Variants in CELSR3 observed in about 807,000 individuals in gnomAD.
CELSR3 encodes the protein EGF-like protein 1.
Under a neutral mutation model 270.0 loss-of-function variants are expected in CELSR3, and 73 were observed. The observed-to-expected ratio is 0.27, with a 90% confidence interval of 0.22 to 0.33. CELSR3 has a LOEUF of 0.33. Ranked by LOEUF, CELSR3 falls within the 10% of genes least tolerant of loss-of-function variation. CELSR3 has a pLI of 1.00. For missense variants in CELSR3, 3,614 were observed against 4,533.8 expected (o/e 0.80, Z 5.83); for synonymous variants, 1,780 against 1,905.4 (o/e 0.93, Z 1.71).
intron 20 of CELSR3, 49 bp downstream of exon 20, chr3:48,647,792 G>C: frequency 6.3e-7 from 1 of 1,581,766 alleles, no homozygotes; most frequent in Non-Finnish European, 8.6e-7. Context: ...ATCTGGTTGG[G>C]GGGACAGAGA....
At position 48,645,612 on chromosome 3, in the gene CELSR3, G is replaced by T; in HGVS notation, c.7628C>A (p.Thr2543Asn). 1 of 1,611,278 alleles carries T rather than the reference G, an allele frequency of 6.2e-7. No individual in the cohort carries two copies. Among genetic ancestry groups the T allele is most frequent in the Non-Finnish European group, 8.5e-7 (1 of 1,178,712 alleles). Residue 2543 changes from threonine to asparagine, a missense_variant, in exon 24 of 35, where the codon ACC becomes AAC. Physicochemically the swap from Thr to Asn is moderately conservative, Grantham distance 65 (BLOSUM62 0). Transcript: ENST00000164024. This position sits in a 1 kb window ranked among gnomAD's most constrained non-coding sequence, Gnocchi z 5.4. ...EGDLELLAVF[T>N]HVVVAVSVAA... ...CACAGACACAGCCACGACCACGTGGGTGAACACAGCCAGCAGCTCCAGGTC... is the reference window on the plus strand; with the variant it reads ...CACAGACACAGCCACGACCACGTGGTTGAACACAGCCAGCAGCTCCAGGTC...
intron 3 of CELSR3, 75 bp downstream of exon 3, chr3:48,656,065 G>A (rs2047177957): frequency 7.0e-7 from 1 of 1,428,660 alleles, no homozygotes; most frequent in Non-Finnish European, 9.5e-7. Context: ...GCCAGGACGG[G>A]GCAGTCAGGA....
At position 48,645,825 on chromosome 3, in the gene CELSR3, C is replaced by G; in HGVS notation, c.7507G>C (p.Val2503Leu). ...GVWTARDCEL[V>L]HRNGSHARCR... ...CGTGCGTGGGACCCATTCCTGTGCA[C>G]CAGCTCGCAGTCCCGTGCTGTCCAC... is the stretch of plus-strand genomic sequence containing the variant. Residue 2503 changes from valine to leucine, a missense_variant, in exon 23 of 35, where the codon GTG (valine) becomes CTG (leucine). Coordinates refer to ENST00000164024, the MANE Select transcript of CELSR3 (RefSeq NM_001407.3). The surrounding 1 kb of genome is among the most constrained non-coding windows in gnomAD (Gnocchi z 5.4). 1 of 1,610,990 alleles carries G rather than the reference C, an allele frequency of 6.2e-7. No homozygotes were observed. The highest frequency in any genetic ancestry group is 8.5e-7 in the Non-Finnish European group (1 of 1,179,236).
rs1193503924 is a variant in CELSR3, at chr3:48,662,424, G to T, written c.211C>A (p.Arg71=). 6.2e-7 allele frequency: 1 copy of T among 1,612,734 alleles called. No individual in the cohort carries two copies. The highest frequency in any genetic ancestry group is 8.5e-7 in the Non-Finnish European group (1 of 1,179,904). The change falls in exon 1 of 35, where the codon CGG becomes AGG. Residue 71 remains arginine (R), a synonymous_variant. Coordinates refer to ENST00000164024, the MANE Select transcript of CELSR3 (RefSeq NM_001407.3). The surrounding 1 kb of genome is among the most constrained non-coding windows in gnomAD (Gnocchi z 7.1). Reference sequence around the variant, plus strand: ...CCCAGGCCAGGCCCCCCATCCTCCCGGACCCCGGAAGACTCCGGACAAAGA... The same window carrying T: ...CCCAGGCCAGGCCCCCCATCCTCCCTGACCCCGGAAGACTCCGGACAAAGA... ...LALCPESSGV[R]EDGGPGLGVR...
Position 48,654,074 on chromosome 3 carries a change from G to A in CELSR3, c.5153-71C>T. On this transcript the variant is annotated intron_variant, in intron 7 of 34. Transcript: ENST00000164024. The surrounding 1 kb of genome is among the most constrained non-coding windows in gnomAD (Gnocchi z 5.4). ...GGCACAAGTGCTGGACAGGACTTTAGTGTCCAGAGGGGCTGAAAGAGACCA... is the reference window on the plus strand; with the variant it reads ...GGCACAAGTGCTGGACAGGACTTTAATGTCCAGAGGGGCTGAAAGAGACCA... 6.3e-7 allele frequency: 1 copy of A among 1,577,160 alleles called. No individual in the cohort carries two copies. Among genetic ancestry groups the A allele is most frequent in the Non-Finnish European group, 8.6e-7 (1 of 1,156,096 alleles).
Position 48,642,554 on chromosome 3 carries a change from T to G in CELSR3, c.8556-87A>C. The G allele has an allele frequency of 2.0e-6, 3 of 1,465,666 alleles. No individual in the cohort carries two copies. Among genetic ancestry groups the G allele is most frequent in the Non-Finnish European group, 2.8e-6 (3 of 1,078,122 alleles). The allele number at this position is 1,465,666 out of a possible 1,614,324, so 90.8% of individuals were successfully genotyped here. On this transcript the variant is annotated intron_variant, in intron 30 of 34. Coordinates refer to ENST00000164024, the MANE Select transcript of CELSR3 (RefSeq NM_001407.3). This position sits in a 1 kb window ranked among gnomAD's most constrained non-coding sequence, Gnocchi z 6.1. ...GAGTGTCTTTGAGTGCACAGCCAGC[T>G]GCGGGTGGAATGGCATCCCTGGGTG... is the stretch of plus-strand genomic sequence containing the variant.
chr3:48,642,816 G>C lies in CELSR3; in HGVS notation c.8475C>G (p.Ala2825=), dbSNP rs2047041239. 6.2e-7 allele frequency: 1 copy of C among 1,613,192 alleles called. No homozygotes were observed. The highest frequency in any genetic ancestry group is 1.3e-5 in the African/African-American group (1 of 75,066). The change falls in exon 30 of 35, where the codon GCC becomes GCG. Residue 2825 remains alanine (A), a synonymous_variant. Coordinates refer to ENST00000164024, the MANE Select transcript of CELSR3 (RefSeq NM_001407.3). This position sits in a 1 kb window ranked among gnomAD's most constrained non-coding sequence, Gnocchi z 6.1. ...CACTGCTCACAGAGGAGACGGTGGAGGCGCCCAGAGTGATGCGGATGAGGC... is the reference window on the plus strand; with the variant it reads ...CACTGCTCACAGAGGAGACGGTGGACGCGCCCAGAGTGATGCGGATGAGGC... ...ESGLIRITLG[A]STVSSVSSAR...
At position 48,645,160 on chromosome 3, in the gene CELSR3, G is replaced by C. The variant is rs768715156; in HGVS notation, c.7847C>G (p.Thr2616Ser). The change falls in exon 25 of 35, where the codon ACC becomes AGC. Residue 2616 changes from threonine (T) to serine (S), a missense_variant. Transcript: ENST00000164024. The surrounding 1 kb of genome is among the most constrained non-coding windows in gnomAD (Gnocchi z 5.4). The part of the protein sequence containing the change: ...AILLHYFFLS[T>S]FAWLFVQGLH... The stretch of plus-strand genomic sequence containing the variant: ...CCCCTGCACGAAGAGCCACGCGAAG[G>C]TGCTGAGGAAGAAGTAGTGCAGGAG... The C allele has an allele frequency of 6.3e-7, 1 of 1,595,590 alleles. No individual in the cohort carries two copies. The highest frequency in any genetic ancestry group is 1.7e-4 in the Middle Eastern group (1 of 6,014).
rs1194782459 is a variant in CELSR3 at position 48,650,327 on chromosome 3, G to C, written c.6472+153C>G. 1 of 717,130 alleles carries C rather than the reference G, an allele frequency of 1.4e-6. No homozygotes were observed. Among genetic ancestry groups the C allele is most frequent in the Non-Finnish European group, 2.5e-6 (1 of 395,624 alleles). The allele number at this position is 717,130 out of a possible 1,614,324, so 44.4% of individuals were successfully genotyped here. On this transcript the variant is annotated intron_variant, in intron 16 of 34. Transcript: ENST00000164024. This position sits in a 1 kb window ranked among gnomAD's most constrained non-coding sequence, Gnocchi z 5.1. Reference sequence around the variant, plus strand: ...CAAGAGAAACAGATGGAGGCTCAATGAGGGTGTAGGGAGGGGCCCACATGG... The same window carrying C: ...CAAGAGAAACAGATGGAGGCTCAATCAGGGTGTAGGGAGGGGCCCACATGG...
Position 48,644,004 on chromosome 3 carries a change from G to A in CELSR3, c.8165+212C>T. Reference sequence around the variant, plus strand: ...TGGGAGACTCTGGGGGGACCCAGAGGACAAGGAGAGACAGCAGGGCAGAAG... The same window carrying A: ...TGGGAGACTCTGGGGGGACCCAGAGAACAAGGAGAGACAGCAGGGCAGAAG... On this transcript the variant is annotated intron_variant, in intron 27 of 34. Transcript: ENST00000164024. This position sits in a 1 kb window ranked among gnomAD's most constrained non-coding sequence, Gnocchi z 4.8. 3 of 593,170 alleles carry A rather than the reference G, an allele frequency of 5.1e-6. No individual in the cohort carries two copies. Among genetic ancestry groups the A allele is most frequent in the Non-Finnish European group, 9.0e-6 (3 of 333,680 alleles). The allele number at this position is 593,170 out of a possible 1,614,324, so 36.7% of individuals were successfully genotyped here.
Position 48,654,072 on chromosome 3 carries a change from T to G in CELSR3, c.5153-69A>C. On this transcript the variant is annotated intron_variant, in intron 7 of 34. Coordinates refer to ENST00000164024, the MANE Select transcript of CELSR3 (RefSeq NM_001407.3). This position sits in a 1 kb window ranked among gnomAD's most constrained non-coding sequence, Gnocchi z 5.4. ...GGGGCACAAGTGCTGGACAGGACTT[T>G]AGTGTCCAGAGGGGCTGAAAGAGAC... 6.3e-7 allele frequency: 1 copy of G among 1,586,744 alleles called. No homozygotes were observed. The highest frequency in any genetic ancestry group is 8.6e-7 in the Non-Finnish European group (1 of 1,161,852).
chr3:48,645,682 G>C lies in CELSR3; in HGVS notation c.7591-33C>G, dbSNP rs775898391. On this transcript the variant is annotated intron_variant, in intron 23 of 34. Transcript: ENST00000164024. The surrounding 1 kb of genome is among the most constrained non-coding windows in gnomAD (Gnocchi z 5.4). ...GACAGGGATGGTTGATGGGTTGTTG[G>C]GCAGAATCCCCGTGTCCCTTTGACC... 6.2e-7 allele frequency: 1 copy of C among 1,601,682 alleles called. No individual in the cohort carries two copies. The highest frequency in any genetic ancestry group is 8.5e-7 in the Non-Finnish European group (1 of 1,171,012).
intron 16 of CELSR3, 128 bp from the exon 17 acceptor site, chr3:48,649,343 G>C (rs1263283150): frequency 7.5e-6 from 6 of 796,910 alleles, no homozygotes; most frequent in Admixed American, 2.4e-5. Context: ...ATCTATAGCT[G>C]CACCCCTGGA....
rs145827127 is a variant in CELSR3 at position 48,652,538 on chromosome 3, C to A, written c.5650G>T (p.Gly1884Trp). The change falls in exon 11 of 35, where the codon GGG becomes TGG. Residue 1884 changes from glycine to tryptophan, a missense_variant. Around this residue, in one of 7 missense-constraint regions of CELSR3, gnomAD observed 1,331 missense variants for 1,933.7 expected, o/e 0.69. Coordinates refer to ENST00000164024, the MANE Select transcript of CELSR3 (RefSeq NM_001407.3). This position sits in a 1 kb window ranked among gnomAD's most constrained non-coding sequence, Gnocchi z 4.3. ...ACCTTCAGGCCCTGCAGCTCACTCC[C>A]CACCGCCATGGTGTCCTGGAGGAAG... ...FSLFQDTMAV[G>W]SELQGLKVKQ... 4 of 1,610,660 alleles carry A rather than the reference C, an allele frequency of 2.5e-6. No homozygotes were observed. The highest frequency in any genetic ancestry group is 3.4e-6 in the Non-Finnish European group (4 of 1,178,564).
rs2077062761 is a variant in CELSR3, at chr3:48,661,017, C to T, written c.1618G>A (p.Asp540Asn). ...TTCTCGCTGAACTGAGGAGCATTGT[C>T]GTTCTCGTCTAGCACAGTTATGTGT... ...RVHITVLDEN[D>N]NAPQFSEKRY... Residue 540 changes from aspartate to asparagine, a missense_variant, in exon 1 of 35, where the codon GAC becomes AAC. Asp to Asn is a conservative substitution (Grantham distance 23, BLOSUM62 1). Around this residue, in one of 7 missense-constraint regions of CELSR3, gnomAD observed 354 missense variants for 500.9 expected, o/e 0.71. Coordinates refer to ENST00000164024, the MANE Select transcript of CELSR3 (RefSeq NM_001407.3). The T allele has an allele frequency of 6.2e-7, 1 of 1,613,876 alleles. No homozygotes were observed. Among genetic ancestry groups the T allele is most frequent in the Non-Finnish European group, 8.5e-7 (1 of 1,180,044 alleles).
Position 48,655,342 on chromosome 3 carries a change from C to G in CELSR3, c.4794G>C (p.Gly1598=), listed in dbSNP as rs2047170884. The change falls in exon 5 of 35, where the codon GGG becomes GGC. Residue 1598 remains glycine (G), a synonymous_variant. Coordinates refer to ENST00000164024, the MANE Select transcript of CELSR3 (RefSeq NM_001407.3). This position sits in a 1 kb window ranked among gnomAD's most constrained non-coding sequence, Gnocchi z 5.8. The part of the protein sequence containing the change: ...SPTVPGGLSD[G]QWHTVHLRYY... Reference sequence around the variant, plus strand: ...ATCTCAGATGCACTGTATGCCATTGCCCGTCACTCAAGCCCCCTGGAACTG... The same window carrying G: ...ATCTCAGATGCACTGTATGCCATTGGCCGTCACTCAAGCCCCCTGGAACTG... 2 of 1,613,970 alleles carry G rather than the reference C, an allele frequency of 1.2e-6. No homozygotes were observed. The highest frequency in any genetic ancestry group is 1.7e-5 in the Admixed American group (1 of 59,992).
At position 48,656,707 on chromosome 3, in the gene CELSR3, G is replaced by A; in HGVS notation, c.4390C>T (p.Arg1464Cys). The change falls in exon 2 of 35, where the codon CGC (arginine) becomes TGC (cysteine). Residue 1464 changes from arginine to cysteine, a missense_variant. Coordinates refer to ENST00000164024, the MANE Select transcript of CELSR3 (RefSeq NM_001407.3). ...CCGGCGCCCTGCTCACCGGTGAAGC[G>A]CGGGCGGCAGACGCACGTGTAGCCT... ...EGGYTCVCRP[R>C]FTGEDCELDT... 2 of 1,489,594 alleles carry A rather than the reference G, an allele frequency of 1.3e-6. No individual in the cohort carries two copies. The highest frequency in any genetic ancestry group is 1.8e-6 in the Non-Finnish European group (2 of 1,126,120). The allele number at this position is 1,489,594 out of a possible 1,614,324, so 92.3% of individuals were successfully genotyped here.
Position 48,646,989 on chromosome 3 carries a change from C to A in CELSR3, c.7130-61G>T. ...CTTTGACCCAAAGCACCCACCAACCCAGCTCTGAACCCGATCAAGCATGGG... is the reference window on the plus strand; with the variant it reads ...CTTTGACCCAAAGCACCCACCAACCAAGCTCTGAACCCGATCAAGCATGGG... On this transcript the variant is annotated intron_variant, in intron 20 of 34. Coordinates refer to ENST00000164024, the MANE Select transcript of CELSR3 (RefSeq NM_001407.3). The surrounding 1 kb of genome is among the most constrained non-coding windows in gnomAD (Gnocchi z 4.8). 7.0e-7 allele frequency: 1 copy of A among 1,430,896 alleles called. No homozygotes were observed. The highest frequency in any genetic ancestry group is 1.4e-5 in the South Asian group (1 of 69,342). 88.6% of individuals were successfully genotyped at this position (1,430,896 alleles called of 1,614,324 possible).
rs2047001680 is a variant in CELSR3 at position 48,639,377 on chromosome 3, C to A, written c.9911+297G>T. On this transcript the variant is annotated intron_variant, in intron 34 of 34. Transcript: ENST00000164024. The surrounding 1 kb of genome is among the most constrained non-coding windows in gnomAD (Gnocchi z 4.1). ...ATCTCCCACTTCTAGGCCTCAGCTC[C>A]TGCCCTCCCATTCGCTAGCTCAGCC... Among the ~76,000 whole-genome samples, 1 of 152,208 alleles carries A rather than the reference C, an allele frequency of 6.6e-6. No individual in the cohort carries two copies. The highest frequency in any genetic ancestry group is 2.4e-5 in the African/African-American group (1 of 41,448).
Sources: allele counts gnomAD v4.1 joint callset (sites outside exome capture counted in the v4.1 genomes callset), GRCh38; gene constraint gnomAD v4.1.1; regional missense constraint gnomAD v4.1.1; non-coding constraint Gnocchi (gnomAD v3.1); transcripts MANE v1.5; gene names NCBI Gene and HGNC (gene_info 2026-07-23, HGNC 2026-07-21).